The following PCDHGA8 variants were observed in gnomAD, a reference collection of about 807,000 sequenced individuals.
PCDHGA8 encodes the protein protocadherin gamma subfamily A, 8.
In PCDHGA8, 45 loss-of-function variants were observed where a neutral mutation model predicts 59.2. The ratio of observed to expected loss-of-function variants is 0.76; its 90% CI spans 0.60 to 0.98. The LOEUF is 0.98. Among genes scored for constraint, PCDHGA8 ranks in the 50% least tolerant of loss-of-function variants. The pLI is 0.00. For missense variants in PCDHGA8, 1,257 were observed against 1,196.2 expected, an observed-to-expected ratio of 1.05 and a Z score of -0.75; for synonymous variants, 531 against 519.0, an observed-to-expected ratio of 1.02 and a Z score of -0.32.
In PCDHGA8 at chr5:141,489,152, A is replaced by C; in HGVS notation, c.2425-5655A>C. The C allele has an allele frequency of 2.1e-6, 2 of 960,350 alleles. No individual in the cohort carries two copies. Among genetic ancestry groups the C allele is most frequent in the Non-Finnish European group, 3.1e-6 (2 of 640,552 alleles). 59.5% of individuals were successfully genotyped at this position (960,350 alleles called of 1,614,324 possible). A position where few individuals can be genotyped will look rare whatever the true frequency, so the allele number is the denominator to read the frequency against. On this transcript the variant is annotated intron_variant, in intron 1 of 3. Transcript: ENST00000398604. This position sits in a 1 kb window ranked among gnomAD's most constrained non-coding sequence, Gnocchi z 4.5. The stretch of plus-strand genomic sequence containing the variant: ...TTTTAAGAGGCTGGAAGGAGACATA[A>C]GAGACTTCAGCTGCTGCATTCCAAG...
chr5:141,442,052 G>T (rs2098295034), intron 1 of PCDHGA8: 1 of 197,576 alleles, frequency 5.1e-6, no homozygotes, highest in South Asian at 6.6e-5. Flanking sequence ...TACTGGTCGC[G>T]GTGCACTGCG....
At chr5:141,408,619 T>C in intron 1 of PCDHGA8, 1 of 1,613,974 alleles carries the variant, frequency 6.2e-7, no homozygotes, top group South Asian at 1.1e-5. Context: ...AGGAAATACA[T>C]TTAGAAATTT....
chr5:141,419,872 A>G (rs1354880437), intron 1 of PCDHGA8: 1 of 1,614,094 alleles, frequency 6.2e-7, no homozygotes, highest in Admixed American at 1.7e-5. Flanking sequence ...TGCAAGAGGT[A>G]CTGCCGGATT....
intron 2 of PCDHGA8, 88 bp from the exon 3 acceptor site, chr5:141,505,305 C>G (rs1363643214): frequency 1.0e-5 from 16 of 1,595,104 alleles, no homozygotes; most frequent in African/African-American, 2.7e-5. Flanking sequence ...GGTTAGGGTA[C>G]TAGGTTTGGG....
rs1163353349 is a variant in PCDHGA8, at chr5:141,489,426, G to C, written c.2425-5381G>C. 6.2e-7 allele frequency: 1 copy of C among 1,614,012 alleles called. No homozygotes were observed. The highest frequency in any genetic ancestry group is 1.3e-5 in the African/African-American group (1 of 74,922). ...TAAAGATGACAGATCTGTTGAGCCGGCGGCTGCAATTGGGCTCTGAGGAGA... is the reference window on the plus strand; with the variant it reads ...TAAAGATGACAGATCTGTTGAGCCGCCGGCTGCAATTGGGCTCTGAGGAGA... On this transcript the variant is annotated intron_variant, in intron 1 of 3. Transcript: ENST00000398604. The surrounding 1 kb of genome is among the most constrained non-coding windows in gnomAD (Gnocchi z 4.5).
chr5:141,410,167 T>A (rs372848702), intron 1 of PCDHGA8: 1 of 1,613,770 alleles, frequency 6.2e-7, no homozygotes, highest in South Asian at 1.1e-5. Flanking sequence ...CGCCACTCTC[T>A]GCCACCGCCA....
intron 1 of PCDHGA8, chr5:141,408,014 C>G (rs2095025916): frequency 5.0e-6 from 5 of 1,001,096 alleles, no homozygotes; most frequent in Non-Finnish European, 7.0e-6. Flanking sequence ...CCTGCGCAGC[C>G]AACAACAGAA....
At chr5:141,483,907 C>A (rs545585133) in intron 1 of PCDHGA8, among the ~76,000 whole-genome samples, 1 of 151,240 alleles carries the variant, frequency 6.6e-6, no homozygotes, top group East Asian at 1.9e-4. Context: ...TGGTGTGTTT[C>A]CCACTCAGAT....
At chr5:141,418,343 A>G in intron 1 of PCDHGA8, 1 of 1,614,010 alleles carries the variant, frequency 6.2e-7, no homozygotes, top group Non-Finnish European at 8.5e-7. Flanking sequence ...AGATCCTGAT[A>G]TTAGTATGAA....
chr5:141,476,179 T>C lies in PCDHGA8; in HGVS notation c.2425-18628T>C, dbSNP rs1283155400. 26 of 1,613,476 alleles carry C rather than the reference T, an allele frequency of 1.6e-5. No homozygotes were observed. The highest frequency in any genetic ancestry group is 2.0e-5 in the Non-Finnish European group (24 of 1,179,998). On this transcript the variant is annotated intron_variant, in intron 1 of 3. Transcript: ENST00000398604. This position sits in a 1 kb window ranked among gnomAD's most constrained non-coding sequence, Gnocchi z 7.6. Reference sequence around the variant, plus strand: ...CCGGGAGGGTAGTGGGAGTTTTGCTTCTGCTTGGTGCCTTGAACAAGGCTT... The same window carrying C: ...CCGGGAGGGTAGTGGGAGTTTTGCTCCTGCTTGGTGCCTTGAACAAGGCTT...
At chr5:141,458,289 T>G (rs2154566205) in intron 1 of PCDHGA8, among the ~76,000 whole-genome samples, 1 of 152,280 alleles carries the variant, frequency 6.6e-6, no homozygotes, top group African/African-American at 2.4e-5. Flanking sequence ...CTGGTCCTCA[T>G]GCTGGTTTAG....
At chr5:141,414,670 A>G in intron 1 of PCDHGA8, 1 of 1,613,894 alleles carries the variant, frequency 6.2e-7, no homozygotes. Context: ...GGCTGAAGAC[A>G]CCATCCAGGG....
rs1475648389 is a variant in PCDHGA8 at position 141,393,533 on chromosome 5, G to T, written c.720G>T (p.Pro240=). 2 of 1,613,950 alleles carry T rather than the reference G, an allele frequency of 1.2e-6. No homozygotes were observed. Among genetic ancestry groups the T allele is most frequent in the South Asian group, 1.1e-5 (1 of 91,080 alleles). Residue 240 remains proline, a synonymous_variant, in exon 1 of 4, where the codon CCG becomes CCT. Coordinates refer to ENST00000398604, the MANE Select transcript of PCDHGA8 (RefSeq NM_032088.2). ...VTVLDTNDNA[P]VFPHPIYRVK... ...TGTTGGATACAAATGACAATGCCCC[G>T]GTTTTTCCTCACCCGATTTACCGAG...
At position 141,486,182 on chromosome 5, in the gene PCDHGA8, C is replaced by G. The variant is rs1288782056; in HGVS notation, c.2425-8625C>G. On this transcript the variant is annotated intron_variant, in intron 1 of 3. Transcript: ENST00000398604. This position sits in a 1 kb window ranked among gnomAD's most constrained non-coding sequence, Gnocchi z 5.0. ...AGCCATGGAGCAACATTGCAGCCTT[C>G]GAGTGGATCTGCTGGACGTAAATGA... 1 of 1,614,198 alleles carries G rather than the reference C, an allele frequency of 6.2e-7. No individual in the cohort carries two copies. Among genetic ancestry groups the G allele is most frequent in the Non-Finnish European group, 8.5e-7 (1 of 1,180,028 alleles).
At position 141,494,693 on chromosome 5, in the gene PCDHGA8, G is replaced by A. The variant is rs2099756182; in HGVS notation, c.2425-114G>A. The A allele has an allele frequency of 5.0e-6, 8 of 1,585,786 alleles. No individual in the cohort carries two copies. In the South Asian group the frequency reaches 6.8e-5, roughly 13 times the overall value. ...GTCCACCCCTGCCCCCTCTTAGTCC[G>A]TTTTCTTCTCTGTGCCCACTCCCCT... is the stretch of plus-strand genomic sequence containing the variant. On this transcript the variant is annotated intron_variant, in intron 1 of 3. Transcript: ENST00000398604.
At chr5:141,507,239 G>C (rs2099859378) in intron 3 of PCDHGA8, 1 of 152,310 alleles carries the variant, frequency 6.6e-6, no homozygotes, top group Non-Finnish European at 1.5e-5. Context: ...CCCAGTTACA[G>C]TTGAATGTCA....
At chr5:141,420,240 C>G (rs752339982) in intron 1 of PCDHGA8, 3 of 1,593,140 alleles carry the variant, frequency 1.9e-6, no homozygotes, top group Non-Finnish European at 2.6e-6. Context: ...ATTTTAACTC[C>G]CAGCGTTGAA....
At chr5:141,428,141 G>A (rs1314061143) in intron 1 of PCDHGA8, 1 of 1,596,618 alleles carries the variant, frequency 6.3e-7, no homozygotes, top group Non-Finnish European at 8.6e-7. Context: ...GCCTGGGGCT[G>A]CACACGGGAA....
chr5:141,428,324 T>C, intron 1 of PCDHGA8: 1 of 642,806 alleles, frequency 1.6e-6, no homozygotes, highest in Non-Finnish European at 2.8e-6. Flanking sequence ...TTGGCCTTGA[T>C]TTCTATGCTC....
Sources: allele counts gnomAD v4.1 joint callset (sites outside exome capture counted in the v4.1 genomes callset), GRCh38; gene constraint gnomAD v4.1.1; non-coding constraint Gnocchi (gnomAD v3.1); transcripts MANE v1.5; gene names NCBI Gene and HGNC (gene_info 2026-07-23, HGNC 2026-07-21).